The following RAD51B variants were observed in gnomAD, a reference collection of about 807,000 sequenced individuals.
RAD51B encodes RAD51 paralog B.
In RAD51B, 38 loss-of-function variants were observed where a neutral mutation model predicts 42.2. That is an observed-to-expected ratio of 0.90 (90% CI 0.70 to 1.18). The LOEUF is 1.18. RAD51B is among the 50% of genes most tolerant of loss of function. RAD51B has a pLI of 0.00. For synonymous variants in RAD51B, 154 were observed against 145.2 expected (o/e 1.06, Z -0.43); for missense variants, 373 against 400.7 (o/e 0.93, Z 0.59).
intron 7 of RAD51B, among the ~76,000 whole-genome samples, chr14:68,045,382 C>G (rs1029905070): frequency 4.0e-5 from 6 of 151,590 alleles, no homozygotes; most frequent in Admixed American, 6.6e-5. Context: ...ATCTCACACA[C>G]AGTGCCTTTT....
At chr14:68,203,036 G>A (rs2140929112) in intron 7 of RAD51B, among the ~76,000 whole-genome samples, 1 of 152,156 alleles carries the variant, frequency 6.6e-6, no homozygotes, top group African/African-American at 2.4e-5. Flanking sequence ...CTGAGGGTTG[G>A]AATCAGTTTC....
chr14:68,272,919 G>C (rs1359037468), intron 7 of RAD51B, among the ~76,000 whole-genome samples: 1 of 150,736 alleles, frequency 6.6e-6, no homozygotes, highest in Non-Finnish European at 1.5e-5. Flanking sequence ...CTCTTGACCT[G>C]GTGATCCGCC....
chr14:68,590,406 T>G lies in RAD51B; in HGVS notation c.1037-4079T>G, dbSNP rs192724409. Among the ~76,000 whole-genome samples the G allele has an allele frequency of 2.5e-3, 379 of 152,332 alleles. 3 individuals are homozygous for G. Among genetic ancestry groups the G allele is most frequent in the African/African-American group, 8.8e-3 (365 of 41,576 alleles). ...CACCCCTTGGATCTACACCTGTAACTGCCCCCAGCTTGCCAGCATGGCAGG... is the reference window on the plus strand; with the variant it reads ...CACCCCTTGGATCTACACCTGTAACGGCCCCCAGCTTGCCAGCATGGCAGG... On this transcript the variant is annotated intron_variant, in intron 10 of 10. Coordinates refer to the RAD51B transcript ENST00000487270.
intron 8 of RAD51B, among the ~76,000 whole-genome samples, chr14:68,374,719 A>C (rs183412985): frequency 3.7e-4 from 55 of 150,074 alleles, no homozygotes; most frequent in African/African-American, 1.3e-3. Flanking sequence ...AGATGGTCTC[A>C]GAAGTTTTTC....
intron 7 of RAD51B, among the ~76,000 whole-genome samples, chr14:67,938,795 C>T (rs1353242633): frequency 6.6e-6 from 1 of 152,166 alleles, no homozygotes; most frequent in Non-Finnish European, 1.5e-5. Flanking sequence ...CACTGTATGA[C>T]TCTTGAGAAA....
chr14:68,650,011 T>C (rs1319797434), intron 10 of RAD51B, among the ~76,000 whole-genome samples: 1 of 152,326 alleles, frequency 6.6e-6, no homozygotes, highest in African/African-American at 2.4e-5. Flanking sequence ...TCTTGGCCCA[T>C]TGGTCTGGGA....
At chr14:68,632,976 T>C (rs1273462933) in intron 10 of RAD51B, among the ~76,000 whole-genome samples, 2 of 83,376 alleles carry the variant, frequency 2.4e-5, no homozygotes, top group African/African-American at 8.7e-5. Flanking sequence ...TTCTTTTTTT[T>C]TTTTTTTTTT....
chr14:68,359,445 G>A (rs1435673716), intron 8 of RAD51B, among the ~76,000 whole-genome samples: 1 of 152,020 alleles, frequency 6.6e-6, no homozygotes, highest in African/African-American at 2.4e-5. Flanking sequence ...GGAGGAGGGA[G>A]AATGAAAACG....
chr14:68,639,720 G>A (rs1595042186), intron 10 of RAD51B, among the ~76,000 whole-genome samples: 1 of 152,160 alleles, frequency 6.6e-6, no homozygotes, highest in Admixed American at 6.5e-5. Context: ...CTTCGGTTTG[G>A]CTGCCATAAG....
chr14:68,425,937 T>TTTCC (rs1343297103), intron 9 of RAD51B, among the ~76,000 whole-genome samples: 7 of 24,618 alleles, frequency 2.8e-4, no homozygotes, highest in African/African-American at 8.0e-4. Flanking sequence ...GGCCATTCTT[T>TTTCC]TTCTTTCTTT....
At chr14:68,313,877 G>A (rs1253886265) in intron 8 of RAD51B, among the ~76,000 whole-genome samples, 1 of 152,104 alleles carries the variant, frequency 6.6e-6, no homozygotes, top group East Asian at 1.9e-4. Flanking sequence ...AGGATTCTTA[G>A]TGCCTAGCTT....
intron 7 of RAD51B, among the ~76,000 whole-genome samples, chr14:68,140,917 G>A (rs1001292155): frequency 6.6e-6 from 1 of 152,346 alleles, no homozygotes; most frequent in Admixed American, 6.5e-5. Flanking sequence ...ACCGGGCAAA[G>A]TGGCATTCTA....
intron 5 of RAD51B, 154 bp from the exon 6 acceptor site, chr14:67,885,715 G>C (rs1043263710): frequency 2.1e-6 from 2 of 934,672 alleles, no homozygotes; most frequent in Non-Finnish European, 2.9e-6. Context: ...ACAAAAGAGA[G>C]CTTAATTCTA....
At chr14:68,339,351 T>A in intron 8 of RAD51B, 2 of 1,029,346 alleles carry the variant, frequency 1.9e-6, no homozygotes, top group Non-Finnish European at 1.5e-6. Flanking sequence ...CAACCTGATA[T>A]AGTGGGGCCA....
chr14:68,341,179 T>G (rs1430460228), intron 8 of RAD51B, among the ~76,000 whole-genome samples: 2 of 152,182 alleles, frequency 1.3e-5, no homozygotes, highest in Non-Finnish European at 2.9e-5. Flanking sequence ...ATTTCAGTAA[T>G]GTGTAATGCA....
chr14:68,141,472 A>G (rs1471327749), intron 7 of RAD51B, among the ~76,000 whole-genome samples: 1 of 152,208 alleles, frequency 6.6e-6, no homozygotes, highest in African/African-American at 2.4e-5. Flanking sequence ...CTGGCAAGAG[A>G]GACCAGCTTA....
At chr14:68,022,596 T>C (rs2075884554) in intron 7 of RAD51B, among the ~76,000 whole-genome samples, 1 of 152,144 alleles carries the variant, frequency 6.6e-6, no homozygotes, top group African/African-American at 2.4e-5. Flanking sequence ...TTTCTGACTT[T>C]TAGTGTTGAT....
At chr14:68,602,256 C>A (rs1387313293) in intron 10 of RAD51B, among the ~76,000 whole-genome samples, 1 of 151,988 alleles carries the variant, frequency 6.6e-6, no homozygotes, top group Non-Finnish European at 1.5e-5. Context: ...TCCCTCCCAG[C>A]AAGCTGGGAC....
At chr14:68,094,046 G>T (rs12432193) in intron 7 of RAD51B, among the ~76,000 whole-genome samples, 2,569 of 152,102 alleles carry the variant, frequency 0.017, 34 homozygotes, top group African/African-American at 0.037. Flanking sequence ...CAAACTAATG[G>T]GTGTAAAGTG....
Sources: allele counts gnomAD v4.1 joint callset (sites outside exome capture counted in the v4.1 genomes callset), GRCh38; gene constraint gnomAD v4.1.1; transcripts MANE v1.5; gene names NCBI Gene and HGNC (gene_info 2026-07-23, HGNC 2026-07-21).